The following PDZRN4 variants were observed in gnomAD, a reference collection of about 807,000 sequenced individuals.
PDZRN4 encodes the protein PDZ domain-containing RING finger protein 4.
PDZRN4 carries 70 observed loss-of-function variants against 99.0 expected under a neutral mutation model. The ratio of observed to expected loss-of-function variants is 0.71; its 90% CI spans 0.58 to 0.86. PDZRN4 has a LOEUF of 0.86. Ranked by LOEUF, PDZRN4 falls within the 40% of genes least tolerant of loss-of-function variation. PDZRN4 has a pLI of 0.00. For synonymous variants in PDZRN4, 551 were observed against 501.6 expected (o/e 1.10, Z -1.32); for missense variants, 1,474 against 1,331.2 (o/e 1.11, Z -1.67).
Position 41,296,401 on chromosome 12 carries a change from C to G in PDZRN4, c.843+102213C>G, listed in dbSNP as rs1951494395. 2.6e-5 allele frequency among the ~76,000 whole-genome samples: 4 copies of G among 152,106 alleles called. No homozygotes were observed. The South Asian group carries it at 8.3e-4, about 32-fold the overall frequency. On this transcript the variant is annotated intron_variant, in intron 3 of 9. Coordinates refer to ENST00000402685, the MANE Select transcript of PDZRN4 (RefSeq NM_001164595.2). ...TTTGGGGGCTGCTCAAGGCATTTGGCTTGTTGACTTTATGAAGGGTCAAAG... is the reference window on the plus strand; with the variant it reads ...TTTGGGGGCTGCTCAAGGCATTTGGGTTGTTGACTTTATGAAGGGTCAAAG...
chr12:41,429,030 G>T (rs1952563586), intron 3 of PDZRN4, among the ~76,000 whole-genome samples: 1 of 152,164 alleles, frequency 6.6e-6, no homozygotes, highest in Non-Finnish European at 1.5e-5. Context: ...TGGGGGAAAA[G>T]AACCATGAGT....
rs774736354 is a variant in PDZRN4 at position 41,400,100 on chromosome 12, A to G, written c.844-106356A>G. On this transcript the variant is annotated intron_variant, in intron 3 of 9. Transcript: ENST00000402685. ...CCTTCAGTTATGAAGCAGTCATCAGATAACTCAGGTGCTGGTTGCAAGAAT... is the reference window on the plus strand; with the variant it reads ...CCTTCAGTTATGAAGCAGTCATCAGGTAACTCAGGTGCTGGTTGCAAGAAT... Among the ~76,000 whole-genome samples, 39 of 152,204 alleles carry G rather than the reference A, an allele frequency of 2.6e-4. 1 individual carries two copies. The highest frequency in any genetic ancestry group is 2.4e-3 in the Admixed American group (37 of 15,274).
intron 3 of PDZRN4, among the ~76,000 whole-genome samples, chr12:41,294,116 C>T (rs952230721): frequency 8.6e-5 from 13 of 152,036 alleles, no homozygotes; most frequent in African/African-American, 2.7e-4. Flanking sequence ...CACAAGAGTA[C>T]GTGTTTCACA....
chr12:41,335,792 A>T (rs1951769296), intron 3 of PDZRN4, among the ~76,000 whole-genome samples: 2 of 152,070 alleles, frequency 1.3e-5, no homozygotes, highest in African/African-American at 4.8e-5. Flanking sequence ...AAACTATGAA[A>T]TATAACTCTT....
At chr12:41,385,171 A>G (rs1952159967) in intron 3 of PDZRN4, among the ~76,000 whole-genome samples, 1 of 152,244 alleles carries the variant, frequency 6.6e-6, no homozygotes, top group Non-Finnish European at 1.5e-5. Context: ...TATGATAAGT[A>G]CCTTAAAGAA....
At chr12:41,275,273 G>A (rs540596972) in intron 3 of PDZRN4, among the ~76,000 whole-genome samples, 62 of 152,154 alleles carry the variant, frequency 4.1e-4, no homozygotes, top group Admixed American at 3.5e-3. Flanking sequence ...TATAAAATTA[G>A]CATTCTTCCC....
chr12:41,410,626 C>T (rs1283046413), intron 3 of PDZRN4, among the ~76,000 whole-genome samples: 1 of 151,990 alleles, frequency 6.6e-6, no homozygotes, highest in African/African-American at 2.4e-5. Context: ...GTTGGGTACC[C>T]CATCCAGGAG....
At chr12:41,339,061 G>GA (rs904157722) in intron 3 of PDZRN4, among the ~76,000 whole-genome samples, 6 of 147,688 alleles carry the variant, frequency 4.1e-5, no homozygotes, top group Middle Eastern at 3.6e-3. Context: ...CACAGAAATA[G>GA]AAAAAAATTT....
Position 41,475,057 on chromosome 12 carries a change from G to A in PDZRN4, c.844-31399G>A, listed in dbSNP as rs138015440. Reference sequence around the variant, plus strand: ...TGGGTGTACTTATATTCAATAGTGTGGTTACAGTATATCATAATAATGTGT... The same window carrying A: ...TGGGTGTACTTATATTCAATAGTGTAGTTACAGTATATCATAATAATGTGT... On this transcript the variant is annotated intron_variant, in intron 3 of 9. Coordinates refer to ENST00000402685, the MANE Select transcript of PDZRN4 (RefSeq NM_001164595.2). 7.7e-4 allele frequency among the ~76,000 whole-genome samples: 117 copies of A among 152,238 alleles called. 2 individuals are homozygous for A. In the East Asian group the frequency reaches 0.021, roughly 27 times the overall value.
chr12:41,475,874 G>A (rs1050383267), intron 3 of PDZRN4, among the ~76,000 whole-genome samples: 4 of 151,986 alleles, frequency 2.6e-5, no homozygotes, highest in Non-Finnish European at 5.9e-5. Flanking sequence ...TTGACCTCCG[G>A]GAGTAAATGT....
In PDZRN4 at chr12:41,573,653, T is replaced by A; in HGVS notation, c.2874T>A (p.Arg958=). The A allele has an allele frequency of 2.5e-6, 4 of 1,613,918 alleles. No individual in the cohort carries two copies. Among genetic ancestry groups the A allele is most frequent in the Non-Finnish European group, 3.4e-6 (4 of 1,179,968 alleles). Residue 958 remains arginine (R), a synonymous_variant, in exon 10 of 10, where the codon CGT becomes CGA. Transcript: ENST00000402685. The part of the protein sequence containing the change: ...QHLVRAKEQR[R]RREFMMRSRL... ...TGGTTAGGGCCAAAGAGCAGCGCCG[T>A]CGCCGTGAGTTCATGATGCGAAGCA...
In PDZRN4 at chr12:41,424,657, G is replaced by C. The variant is rs535906329; in HGVS notation, c.844-81799G>C. On this transcript the variant is annotated intron_variant, in intron 3 of 9. Transcript: ENST00000402685. ...CATGCTAAGCTATGCTGGGGCAACA[G>C]TCTTCAAATACTTAGTAGTTTCATG... is the stretch of plus-strand genomic sequence containing the variant. Among the ~76,000 whole-genome samples the C allele has an allele frequency of 4.5e-5, 6 of 132,880 alleles. No homozygotes were observed. In the East Asian group the frequency reaches 8.5e-4, roughly 19 times the overall value. The allele number at this position is 132,880 out of a possible 152,430, so 87.2% of individuals were successfully genotyped here. A position where few individuals can be genotyped will look rare whatever the true frequency, so the allele number is the denominator to read the frequency against.
intron 3 of PDZRN4, among the ~76,000 whole-genome samples, chr12:41,232,371 A>T (rs1363211022): frequency 6.6e-6 from 1 of 152,094 alleles, no homozygotes; most frequent in Non-Finnish European, 1.5e-5. Flanking sequence ...ATGTGCAATA[A>T]GAAAAAAAAT....
chr12:41,351,304 T>C (rs1238354980), intron 3 of PDZRN4, among the ~76,000 whole-genome samples: 1 of 152,058 alleles, frequency 6.6e-6, no homozygotes. Flanking sequence ...AGTAGTATGG[T>C]GTTGTAGGTA....
intron 3 of PDZRN4, chr12:41,460,217 G>T: frequency 1.9e-6 from 1 of 521,352 alleles, no homozygotes. Context: ...TAGTCAGGTA[G>T]GTTTTAGGAA....
At chr12:41,206,102 G>T (rs1017310539) in intron 3 of PDZRN4, among the ~76,000 whole-genome samples, 1 of 151,834 alleles carries the variant, frequency 6.6e-6, no homozygotes, top group Non-Finnish European at 1.5e-5. Flanking sequence ...TACCTTCAAT[G>T]GAATGGTCAG....
intron 1 of PDZRN4, among the ~76,000 whole-genome samples, chr12:41,190,608 T>G (rs1280982515): frequency 2.0e-5 from 3 of 152,242 alleles, no homozygotes; most frequent in Admixed American, 6.5e-5. Context: ...CAGTAGGGGC[T>G]GCTCTGCGCA....
chr12:41,418,848 T>TG (rs961349377), intron 3 of PDZRN4, among the ~76,000 whole-genome samples: 1 of 152,094 alleles, frequency 6.6e-6, no homozygotes, highest in African/African-American at 2.4e-5. Flanking sequence ...AGGTGTCAGC[T>TG]GGGGGGTAAC....
chr12:41,527,681 T>C (rs1208067572), intron 5 of PDZRN4, among the ~76,000 whole-genome samples: 1 of 152,172 alleles, frequency 6.6e-6, no homozygotes, highest in Non-Finnish European at 1.5e-5. Context: ...CCAAAGTCAT[T>C]TGGGCAAGCT....
Sources: gnomAD v4.1 joint callset for allele counts (sites outside exome capture counted in the v4.1 genomes callset) on GRCh38, gnomAD v4.1.1 for gene constraint, MANE v1.5 for transcripts, NCBI Gene and HGNC (gene_info 2026-07-23, HGNC 2026-07-21) for gene names.